Variants in NINL observed in about 807,000 individuals in gnomAD.
The protein encoded by NINL is ninein like.
Under a neutral mutation model 160.3 loss-of-function variants are expected in NINL, and 153 were observed. The ratio of observed to expected loss-of-function variants is 0.95; its 90% CI spans 0.84 to 1.09. The LOEUF (loss-of-function observed/expected upper bound fraction) is 1.09. Ranked by LOEUF, NINL falls within the 50% of genes least tolerant of loss-of-function variation. NINL has a pLI of 0.00. For synonymous variants in NINL, 800 were observed against 734.8 expected (o/e 1.09, Z -1.43); for missense variants, 1,829 against 1,764.0 (o/e 1.04, Z -0.66).
At chr20:25,580,623 A>G (rs936123694) in intron 1 of NINL, among the ~76,000 whole-genome samples, 2 of 152,210 alleles carry the variant, frequency 1.3e-5, no homozygotes, top group African/African-American at 4.8e-5. Context: ...GCAGCGCCAG[A>G]TGCATGCTTG....
Position 25,482,970 on chromosome 20 carries a change from G to A in NINL, c.1678-870C>T, listed in dbSNP as rs865774725. On this transcript the variant is annotated intron_variant, in intron 13 of 23. Coordinates refer to ENST00000278886, the MANE Select transcript of NINL (RefSeq NM_025176.6). ...ACCCAGGAGGCAGAGATTGCAGTGA[G>A]CCAAGATCATGCCATTCATTGCACT... Among the ~76,000 whole-genome samples the A allele has an allele frequency of 1.7e-4, 26 of 150,912 alleles. 3 individuals are homozygous for A. Among genetic ancestry groups the A allele is most frequent in the African/African-American group, 5.4e-4 (22 of 40,452 alleles).
chr20:25,530,242 C>T (rs984494274), intron 1 of NINL, among the ~76,000 whole-genome samples: 3 of 152,126 alleles, frequency 2.0e-5, no homozygotes, highest in Admixed American at 6.5e-5. Flanking sequence ...GGCACACGCA[C>T]GTACATAACA....
chr20:25,460,566 G>T (rs2062757957), intron 21 of NINL, among the ~76,000 whole-genome samples: 1 of 152,180 alleles, frequency 6.6e-6, no homozygotes, highest in African/African-American at 2.4e-5. Context: ...ATTTTCCAGG[G>T]TTCCTTTTAG....
intron 15 of NINL, among the ~76,000 whole-genome samples, chr20:25,479,909 CT>C (rs1244104597): frequency 1.3e-5 from 2 of 152,224 alleles, no homozygotes; most frequent in Non-Finnish European, 2.9e-5. Flanking sequence ...CAAGTATCCC[CT>C]TGTGACACTC....
In NINL at chr20:25,480,245, A is replaced by G; in HGVS notation, c.1833T>C (p.Ser611=). ...GCTCCGTTTCTATACTCACTGGAGC[A>G]GAATTACCCAGGAATGAAATGCCTG... is the stretch of plus-strand genomic sequence containing the variant. ...GPAGISFLGN[S]APVSIETELM... is the part of the protein sequence containing the mutation. Residue 611 remains serine (S), a synonymous_variant, in exon 15 of 24, where the codon TCT becomes TCC. Coordinates refer to ENST00000278886, the MANE Select transcript of NINL (RefSeq NM_025176.6). 3 of 1,614,004 alleles carry G rather than the reference A, an allele frequency of 1.9e-6. No individual in the cohort carries two copies. Among genetic ancestry groups the G allele is most frequent in the Non-Finnish European group, 1.7e-6 (2 of 1,179,976 alleles).
At chr20:25,570,115 G>A (rs140066786) in intron 1 of NINL, among the ~76,000 whole-genome samples, 133 of 152,330 alleles carry the variant, frequency 8.7e-4, no homozygotes, top group African/African-American at 3.1e-3. Context: ...AGGAGGCAGA[G>A]GGTGCAGTGA....
intron 17 of NINL, among the ~76,000 whole-genome samples, chr20:25,472,955 A>T (rs1382484766): frequency 6.6e-6 from 1 of 152,226 alleles, no homozygotes; most frequent in Non-Finnish European, 1.5e-5. Context: ...AGAGCCAAAA[A>T]CTAGGAACTA....
chr20:25,555,470 G>GA (rs1168652182), intron 1 of NINL, among the ~76,000 whole-genome samples: 1 of 152,188 alleles, frequency 6.6e-6, no homozygotes, highest in African/African-American at 2.4e-5. Flanking sequence ...AATTTGTACT[G>GA]AAAAATAAAT....
At chr20:25,500,165 GGCCCCTGCACACCTCT>G in intron 8 of NINL, among the ~76,000 whole-genome samples, 1 of 152,142 alleles carries the variant, frequency 6.6e-6, no homozygotes, top group East Asian at 1.9e-4. Context: ...ATCCATGCTG[GGCCCCTGCACACCTCT>G]GCCCCTGCAC....
intron 1 of NINL, among the ~76,000 whole-genome samples, chr20:25,548,978 A>C (rs1179162896): frequency 8.0e-3 from 355 of 44,242 alleles, no homozygotes; most frequent in Middle Eastern, 0.017. Flanking sequence ...CCCACGGCCA[A>C]ACCTCCTACG....
intron 9 of NINL, among the ~76,000 whole-genome samples, chr20:25,497,158 G>A (rs868728373): frequency 1.7e-4 from 26 of 152,320 alleles, no homozygotes; most frequent in Middle Eastern, 3.4e-3. Flanking sequence ...GGCGTGGATC[G>A]CAAGTACCTA....
At chr20:25,524,912 T>C (rs1283514091) in intron 2 of NINL, among the ~76,000 whole-genome samples, 1 of 146,976 alleles carries the variant, frequency 6.8e-6, no homozygotes, top group African/African-American at 2.5e-5. Flanking sequence ...AAAATATATA[T>C]ATATATATAT....
intron 8 of NINL, among the ~76,000 whole-genome samples, chr20:25,500,009 G>A (rs919119447): frequency 6.6e-6 from 1 of 150,540 alleles, no homozygotes; most frequent in Non-Finnish European, 1.5e-5. Context: ...TCATGTGCCA[G>A]GGAAAAGCTC....
At chr20:25,462,108 T>C (rs1272358939) in intron 20 of NINL, among the ~76,000 whole-genome samples, 2 of 152,248 alleles carry the variant, frequency 1.3e-5, no homozygotes, top group African/African-American at 4.8e-5. Flanking sequence ...ATGTGGACTT[T>C]CTTCAGCCTC....
chr20:25,560,974 CCCTCTCTCTCT>C (rs2064926657), intron 1 of NINL, among the ~76,000 whole-genome samples: 1 of 151,734 alleles, frequency 6.6e-6, no homozygotes, highest in Admixed American at 6.6e-5. Flanking sequence ...CTCTCCCTCT[CCCTCTCTCTCT>C]CCCTCCTCTC....
intron 1 of NINL, among the ~76,000 whole-genome samples, chr20:25,530,386 G>T (rs1192203510): frequency 1.3e-5 from 2 of 152,154 alleles, no homozygotes; most frequent in Non-Finnish European, 2.9e-5. Context: ...ACGTGCTCTT[G>T]TGTGCAGGGC....
chr20:25,506,652 C>G (rs1439908601), intron 5 of NINL, among the ~76,000 whole-genome samples: 1 of 152,182 alleles, frequency 6.6e-6, no homozygotes. Flanking sequence ...AACACAAAGC[C>G]TATTTTAGAC....
At position 25,455,779 on chromosome 20, in the gene NINL, T is replaced by A; in HGVS notation, c.3851A>T (p.His1284Leu). ...RRRLDAQREE[H>L]EKQLKATEER... is the part of the protein sequence containing the mutation. ...TTCTGTGGCTTTCAGCTGTTTCTCA[T>A]GTTCTTCCTGCCATAAAAGAAGGTT... Residue 1284 changes from histidine to leucine, a missense_variant, in exon 23 of 24, where the codon CAT becomes CTT. Transcript: ENST00000278886. 6.2e-7 allele frequency: 1 copy of A among 1,613,972 alleles called. No individual in the cohort carries two copies. The highest frequency in any genetic ancestry group is 8.5e-7 in the Non-Finnish European group (1 of 1,179,830).
chr20:25,455,527 G>A, intron 23 of NINL, 146 bp downstream of exon 23: 3 of 625,658 alleles, frequency 4.8e-6, no homozygotes. Flanking sequence ...AAATGAATGT[G>A]CACCTGCAGT....
Sources: allele counts gnomAD v4.1 joint callset (sites outside exome capture counted in the v4.1 genomes callset), GRCh38; gene constraint gnomAD v4.1.1; transcripts MANE v1.5; gene names NCBI Gene and HGNC (gene_info 2026-07-23, HGNC 2026-07-21).